NDUFAF6: variants seen among roughly 807,000 people sequenced by gnomAD.
The protein encoded by NDUFAF6 is NADH dehydrogenase (ubiquinone) complex I, assembly factor 6.
A neutral mutation model predicts 40.8 loss-of-function variants in NDUFAF6; 45 were observed. That is an observed-to-expected ratio of 1.10 (90% CI 0.87 to 1.42). The LOEUF (loss-of-function observed/expected upper bound fraction) is 1.42. Among genes scored for constraint, NDUFAF6 ranks in the 40% most tolerant of loss-of-function variants. The pLI is 0.00. For synonymous variants in NDUFAF6, 185 were observed against 155.9 expected, an observed-to-expected ratio of 1.19 and a Z score of -1.39; for missense variants, 435 against 418.5, an observed-to-expected ratio of 1.04 and a Z score of -0.34.
intron 1 of NDUFAF6, among the ~76,000 whole-genome samples, chr8:94,959,229 G>A (rs1823349398): frequency 6.6e-6 from 1 of 152,142 alleles, no homozygotes; most frequent in Non-Finnish European, 1.5e-5. Context: ...GTCCAACCAA[G>A]CTGCATTTCA....
chr8:95,116,041 G>A (rs1273743323), intron 5 of NDUFAF6, among the ~76,000 whole-genome samples: 1 of 152,132 alleles, frequency 6.6e-6, no homozygotes, highest in South Asian at 2.1e-4. Context: ...GGGAGGCTGA[G>A]GCGGAAGAAT....
intron 4 of NDUFAF6, among the ~76,000 whole-genome samples, chr8:95,110,233 T>A (rs78630713): frequency 0.046 from 7,036 of 152,272 alleles, 175 homozygotes; most frequent in Middle Eastern, 0.085. Flanking sequence ...TGTGATCTCA[T>A]TAGTATCTCG....
chr8:95,047,761 G>A (rs564211359), intron 6 of NDUFAF6, among the ~76,000 whole-genome samples: 3 of 151,834 alleles, frequency 2.0e-5, no homozygotes, highest in East Asian at 1.9e-4. Context: ...CGCTTGCCTC[G>A]GCCTCCCAAA....
At chr8:94,979,279 C>T (rs1410270780) in intron 1 of NDUFAF6, among the ~76,000 whole-genome samples, 1 of 152,200 alleles carries the variant, frequency 6.6e-6, no homozygotes, top group East Asian at 1.9e-4. Flanking sequence ...ACCTGGGCTA[C>T]ACCTCTGCCT....
At chr8:95,082,323 A>C (rs924466623) in intron 2 of NDUFAF6, among the ~76,000 whole-genome samples, 1 of 152,100 alleles carries the variant, frequency 6.6e-6, no homozygotes, top group Non-Finnish European at 1.5e-5. Context: ...TAAAAAAATA[A>C]AAAAGAAAAA....
Position 95,031,893 on chromosome 8 carries a change from G to A in NDUFAF6, c.198-102G>A, listed in dbSNP as rs10087047. The A allele has an allele frequency of 1.7e-3, 1,959 of 1,134,730 alleles. 24 individuals carry two copies. The African/African-American group carries it at 0.024, about 14-fold the overall frequency. The allele number at this position is 1,134,730 out of a possible 1,614,324, so 70.3% of individuals were successfully genotyped here. A position where few individuals can be genotyped will look rare whatever the true frequency, so the allele number is the denominator to read the frequency against. On this transcript the variant is annotated intron_variant, in intron 1 of 8. Coordinates refer to ENST00000396124, the MANE Select transcript of NDUFAF6 (RefSeq NM_152416.4). Reference sequence around the variant, plus strand: ...TGGGATTACAGGCATGAGCTACCGCGCCCAACTTGAAGCCTTTTTGTTTTC... The same window carrying A: ...TGGGATTACAGGCATGAGCTACCGCACCCAACTTGAAGCCTTTTTGTTTTC...
intron 9 of NDUFAF6, chr8:95,071,681 C>G (rs998518793): frequency 6.6e-6 from 1 of 152,266 alleles, no homozygotes. Context: ...GTAAGTAGTT[C>G]CTGGCAAAAT....
At chr8:94,905,996 A>G (rs1818367466) in intron 1 of NDUFAF6, among the ~76,000 whole-genome samples, 1 of 152,194 alleles carries the variant, frequency 6.6e-6, no homozygotes, top group Non-Finnish European at 1.5e-5. Context: ...GATTTTTTAA[A>G]AAATTGTTTA....
At chr8:94,926,213 C>T (rs1053452475) in intron 1 of NDUFAF6, 1 of 152,404 alleles carries the variant, frequency 6.6e-6, no homozygotes, top group Admixed American at 6.6e-5. Flanking sequence ...AGAAAACAAG[C>T]TGCCATTTAT....
At chr8:94,935,089 C>CGGTAGGTAGGTA (rs151249970) in intron 1 of NDUFAF6, among the ~76,000 whole-genome samples, 6 of 149,834 alleles carry the variant, frequency 4.0e-5, no homozygotes, top group African/African-American at 1.2e-4. Flanking sequence ...AAACAGGAAA[C>CGGTAGGTAGGTA]GGTAGGTAGG....
At chr8:94,947,170 G>C (rs1822091584) in intron 2 of NDUFAF6, among the ~76,000 whole-genome samples, 1 of 151,620 alleles carries the variant, frequency 6.6e-6, no homozygotes, top group African/African-American at 2.4e-5. Flanking sequence ...CCAATTCCTT[G>C]TTTTCCCTAT....
chr8:95,023,867 T>C (rs940020350), upstream of NDUFAF6, among the ~76,000 whole-genome samples: 2 of 152,050 alleles, frequency 1.3e-5, no homozygotes, highest in African/African-American at 4.8e-5. Context: ...GGCGTGCACC[T>C]GTAGTCCCAG....
intron 1 of NDUFAF6, among the ~76,000 whole-genome samples, chr8:94,925,737 G>C (rs553381460): frequency 6.6e-6 from 1 of 152,050 alleles, no homozygotes; most frequent in East Asian, 1.9e-4. Flanking sequence ...ACAGGGTTTT[G>C]CCATGTTGGC....
intron 4 of NDUFAF6, among the ~76,000 whole-genome samples, chr8:95,045,220 A>C (rs1352567106): frequency 6.6e-6 from 1 of 152,150 alleles, no homozygotes; most frequent in Non-Finnish European, 1.5e-5. Flanking sequence ...TAAAGTGCCT[A>C]CGTAATGTCT....
intron 2 of NDUFAF6, among the ~76,000 whole-genome samples, chr8:95,016,464 G>A (rs1018980924): frequency 1.3e-4 from 20 of 152,210 alleles, no homozygotes; most frequent in Admixed American, 3.3e-4. Flanking sequence ...TGAACATCTG[G>A]CCGAGCGTGG....
intron 1 of NDUFAF6, among the ~76,000 whole-genome samples, chr8:94,938,137 G>C (rs1163554348): frequency 6.6e-6 from 1 of 152,224 alleles, no homozygotes; most frequent in Non-Finnish European, 1.5e-5. Flanking sequence ...CCAGATGCCT[G>C]AAAGGGTGAA....
intron 2 of NDUFAF6, among the ~76,000 whole-genome samples, chr8:95,007,666 T>G (rs949497439): frequency 8.9e-5 from 13 of 146,510 alleles, no homozygotes; most frequent in Non-Finnish European, 1.3e-4. Flanking sequence ...TCTGTTTTTT[T>G]TTTTTTTTTT....
chr8:94,999,688 A>G (rs1268365162), intron 2 of NDUFAF6, among the ~76,000 whole-genome samples: 1 of 152,192 alleles, frequency 6.6e-6, no homozygotes, highest in Non-Finnish European at 1.5e-5. Flanking sequence ...AAGTGCTGGG[A>G]TTACAGGCGT....
chr8:95,106,945 C>A (rs1305915092), downstream of NDUFAF6, among the ~76,000 whole-genome samples: 1 of 152,178 alleles, frequency 6.6e-6, no homozygotes, highest in Non-Finnish European at 1.5e-5. Context: ...TACCATCTTA[C>A]ACCAGTTAGA....
Sources: gnomAD v4.1 joint callset for allele counts (sites outside exome capture counted in the v4.1 genomes callset) on GRCh38, gnomAD v4.1.1 for gene constraint, MANE v1.5 for transcripts, NCBI Gene and HGNC (gene_info 2026-07-23, HGNC 2026-07-21) for gene names.